SDR42E1: variants seen among roughly 807,000 people sequenced by gnomAD.
SDR42E1 encodes the protein short chain dehydrogenase/reductase family 42E, member 1.
Under a neutral mutation model 2.6 loss-of-function variants are expected in SDR42E1, and 5 were observed. That is an observed-to-expected ratio of 1.94 (90% CI 1.01 to 4.08). The LOEUF (loss-of-function observed/expected upper bound fraction) is 4.08. SDR42E1 is among the 30% of genes most tolerant of loss of function. The pLI is 0.00. For synonymous variants in SDR42E1, 231 were observed against 188.3 expected, an observed-to-expected ratio of 1.23 and a Z score of -1.86; for missense variants, 596 against 478.6, an observed-to-expected ratio of 1.25 and a Z score of -2.29.
intron 1 of SDR42E1, among the ~76,000 whole-genome samples, chr16:82,001,475 G>A (rs1597177532): frequency 6.6e-6 from 1 of 152,130 alleles, no homozygotes; most frequent in African/African-American, 2.4e-5. Context: ...AGTGCTCAGT[G>A]CCTTTGGGGA....
At chr16:82,003,343 A>G (rs1246194737) in intron 1 of SDR42E1, among the ~76,000 whole-genome samples, 3 of 152,234 alleles carry the variant, frequency 2.0e-5, no homozygotes. Context: ...TAGAGTAGCC[A>G]TAAAACCAAA....
At position 81,992,794 on chromosome 16, in the gene SDR42E1, G is replaced by C. The variant is rs1481405594; in HGVS notation, c.*6317C>G. On this transcript the variant is annotated 3_prime_UTR_variant, in exon 3 of 3. Coordinates refer to ENST00000328945, the MANE Select transcript of SDR42E1 (RefSeq NM_145168.3). The stretch of plus-strand genomic sequence containing the variant: ...TTTGGCCTCGGTCATAATTACTTGA[G>C]TTCAATGAACTCAAGTAATTATGAA... 6.6e-6 allele frequency: 1 copy of C among 151,932 alleles called. No individual in the cohort carries two copies. Among genetic ancestry groups the C allele is most frequent in the East Asian group, 1.9e-4 (1 of 5,166 alleles). 9.4% of individuals were successfully genotyped at this position (151,932 alleles called of 1,614,324 possible). A position where few individuals can be genotyped will look rare whatever the true frequency, so the allele number is the denominator to read the frequency against.
rs1202497145 is a variant in SDR42E1 at position 81,992,721 on chromosome 16, C to G, written c.*6390G>C. 1 of 152,144 alleles carries G rather than the reference C, an allele frequency of 6.6e-6. No individual in the cohort carries two copies. Among genetic ancestry groups the G allele is most frequent in the Non-Finnish European group, 1.5e-5 (1 of 68,038 alleles). The allele number at this position is 152,144 out of a possible 1,614,324, so 9.4% of individuals were successfully genotyped here. A position where few individuals can be genotyped will look rare whatever the true frequency, so the allele number is the denominator to read the frequency against. The stretch of plus-strand genomic sequence containing the variant: ...TAAATCCCCTGTTGGTTGAAAGACA[C>G]TTGCCTGGATCACTTTGCTACATGC... On this transcript the variant is annotated 3_prime_UTR_variant, in exon 3 of 3. Coordinates refer to ENST00000328945, the MANE Select transcript of SDR42E1 (RefSeq NM_145168.3).
Position 81,990,936 on chromosome 16 carries a change from C to T in SDR42E1, c.*8175G>A, listed in dbSNP as rs1037921272. The T allele has an allele frequency of 6.6e-6, 1 of 152,174 alleles. No homozygotes were observed. The highest frequency in any genetic ancestry group is 2.4e-5 in the African/African-American group (1 of 41,452). 9.4% of individuals were successfully genotyped at this position (152,174 alleles called of 1,614,324 possible). On this transcript the variant is annotated 3_prime_UTR_variant, in exon 3 of 3. Transcript: ENST00000328945. Reference sequence around the variant, plus strand: ...CTCTACAGGCTGGACTTTGCATTTTCATTACTTCGAAAGATTTTTATTAGG... The same window carrying T: ...CTCTACAGGCTGGACTTTGCATTTTTATTACTTCGAAAGATTTTTATTAGG...
rs1567559967 is a variant in SDR42E1 at position 81,991,551 on chromosome 16, T to C, written c.*7560A>G. 1 of 151,950 alleles carries C rather than the reference T, an allele frequency of 6.6e-6. No individual in the cohort carries two copies. The highest frequency in any genetic ancestry group is 1.5e-5 in the Non-Finnish European group (1 of 67,994). 9.4% of individuals were successfully genotyped at this position (151,950 alleles called of 1,614,324 possible). A position where few individuals can be genotyped will look rare whatever the true frequency, so the allele number is the denominator to read the frequency against. On this transcript the variant is annotated 3_prime_UTR_variant, in exon 3 of 3. Transcript: ENST00000328945. ...AGGTAACATAGTGAAACACCGTCTC[T>C]ACAGAAAATAAAAGCTGGATGTGGT...
In SDR42E1 at chr16:81,995,260, G is replaced by C. The variant is rs976088902; in HGVS notation, c.*3851C>G. Reference sequence around the variant, plus strand: ...GTGGCTTCTGCCCAGACCTCTGAGAGCATCCCCAAGTGCACAAGTGTGAGC... The same window carrying C: ...GTGGCTTCTGCCCAGACCTCTGAGACCATCCCCAAGTGCACAAGTGTGAGC... On this transcript the variant is annotated 3_prime_UTR_variant, in exon 3 of 3. Transcript: ENST00000328945. The C allele has an allele frequency of 6.6e-6, 1 of 152,278 alleles. No homozygotes were observed. Among genetic ancestry groups the C allele is most frequent in the African/African-American group, 2.4e-5 (1 of 41,438 alleles). 9.4% of individuals were successfully genotyped at this position (152,278 alleles called of 1,614,324 possible). A position where few individuals can be genotyped will look rare whatever the true frequency, so the allele number is the denominator to read the frequency against.
At chr16:82,006,815 A>T (rs1912954433) in intron 1 of SDR42E1, among the ~76,000 whole-genome samples, 1 of 152,112 alleles carries the variant, frequency 6.6e-6, no homozygotes, top group East Asian at 1.9e-4. Flanking sequence ...AAAACAAAAA[A>T]CCAAAAGGCC....
intron 1 of SDR42E1, among the ~76,000 whole-genome samples, chr16:82,010,141 C>T (rs1913078666): frequency 6.6e-6 from 1 of 152,208 alleles, no homozygotes; most frequent in Non-Finnish European, 1.5e-5. Flanking sequence ...ATAAATTACC[C>T]AGTCTTGGGT....
intron 1 of SDR42E1, among the ~76,000 whole-genome samples, chr16:82,001,524 G>T (rs998303185): frequency 6.6e-6 from 1 of 151,856 alleles, no homozygotes; most frequent in Non-Finnish European, 1.5e-5. Context: ...GGCCCTCCCC[G>T]CATTTCTTTC....
In SDR42E1 at chr16:81,999,057, G is replaced by C; in HGVS notation, c.*54C>G. 1 of 1,553,256 alleles carries C rather than the reference G, an allele frequency of 6.4e-7. No individual in the cohort carries two copies. Among genetic ancestry groups the C allele is most frequent in the South Asian group, 1.3e-5 (1 of 79,652 alleles). The stretch of plus-strand genomic sequence containing the variant: ...TCACTGTACACATTTTAAAACCCAT[G>C]TTTCTTGAGAACCATCTCAGCCAAC... On this transcript the variant is annotated 3_prime_UTR_variant, in exon 3 of 3. Coordinates refer to ENST00000328945, the MANE Select transcript of SDR42E1 (RefSeq NM_145168.3).
At chr16:82,006,344 G>C (rs765801269) in intron 1 of SDR42E1, among the ~76,000 whole-genome samples, 8 of 152,210 alleles carry the variant, frequency 5.3e-5, no homozygotes, top group Non-Finnish European at 8.8e-5. Flanking sequence ...ATTCATGCTA[G>C]AGGGCTTACG....
chr16:81,996,492 G>A lies in SDR42E1; in HGVS notation c.*2619C>T, dbSNP rs966471501. 2 of 152,152 alleles carry A rather than the reference G, an allele frequency of 1.3e-5. No homozygotes were observed. Among genetic ancestry groups the A allele is most frequent in the African/African-American group, 4.8e-5 (2 of 41,398 alleles). The allele number at this position is 152,152 out of a possible 1,614,324, so 9.4% of individuals were successfully genotyped here. A position where few individuals can be genotyped will look rare whatever the true frequency, so the allele number is the denominator to read the frequency against. ...GGAAGGGAGCCCTGTAAGAATTTGG[G>A]GTGGGAGAGGATTATGAATTCCACT... On this transcript the variant is annotated 3_prime_UTR_variant, in exon 3 of 3. Transcript: ENST00000328945.
chr16:81,991,440 G>C lies in SDR42E1; in HGVS notation c.*7671C>G, dbSNP rs1044938429. On this transcript the variant is annotated 3_prime_UTR_variant, in exon 3 of 3. Transcript: ENST00000328945. Reference sequence around the variant, plus strand: ...TCCAACAAGGTAAGAGTTTGGGCCAGGCTCGGTGGCTCATACCTGTAATCC... The same window carrying C: ...TCCAACAAGGTAAGAGTTTGGGCCACGCTCGGTGGCTCATACCTGTAATCC... 6.6e-6 allele frequency: 1 copy of C among 152,166 alleles called. No individual in the cohort carries two copies. The highest frequency in any genetic ancestry group is 2.4e-5 in the African/African-American group (1 of 41,422). The allele number at this position is 152,166 out of a possible 1,614,324, so 9.4% of individuals were successfully genotyped here.
rs560725582 is a variant in SDR42E1, at chr16:81,999,768, G to A, written c.525C>T (p.Asp175=). 73 of 1,614,180 alleles carry A rather than the reference G, an allele frequency of 4.5e-5. No individual in the cohort carries two copies. The highest frequency in any genetic ancestry group is 1.5e-4 in the African/African-American group (11 of 75,038). Residue 175 remains aspartate (D), a synonymous_variant, in exon 3 of 3, where the codon GAC becomes GAT. Transcript: ENST00000328945. ...EANATPLDRG[D]GVLRTCALRP... ...TCAGAGCGCAGGTTCTTAAGACACC[G>A]TCGCCTCTGTCCAGGGGTGTAGCAT...
Position 81,995,830 on chromosome 16 carries a change from C to A in SDR42E1, c.*3281G>T, listed in dbSNP as rs950225717. 1 of 152,124 alleles carries A rather than the reference C, an allele frequency of 6.6e-6. No individual in the cohort carries two copies. Among genetic ancestry groups the A allele is most frequent in the Admixed American group, 6.6e-5 (1 of 15,262 alleles). 9.4% of individuals were successfully genotyped at this position (152,124 alleles called of 1,614,324 possible). A position where few individuals can be genotyped will look rare whatever the true frequency, so the allele number is the denominator to read the frequency against. On this transcript the variant is annotated 3_prime_UTR_variant, in exon 3 of 3. Transcript: ENST00000328945. ...AGCTAACAGGCATTAAACAAATAAC[C>A]GTACAAATGTTTACAGTTATGAGCA...
chr16:82,000,452 G>C (rs1227316973), intron 2 of SDR42E1: 9 of 675,506 alleles, frequency 1.3e-5, no homozygotes, highest in South Asian at 1.1e-4. Flanking sequence ...TATCTTCAAA[G>C]AATGGTGGCA....
chr16:82,000,806 C>G lies in SDR42E1; in HGVS notation c.53G>C (p.Gly18Ala), dbSNP rs1475551147. Reference protein sequence around the residue: ...KESVLITGGSGYFGFRLGCAL... With the variant: ...KESVLITGGSAYFGFRLGCAL... Reference sequence around the variant, plus strand: ...ATACACTTACCGAAAACCAAAATAGCCACTTCCTCCTGTAATGAGGACACT... The same window carrying G: ...ATACACTTACCGAAAACCAAAATAGGCACTTCCTCCTGTAATGAGGACACT... The change falls in exon 2 of 3, where the codon GGC (glycine) becomes GCC (alanine). Residue 18 changes from glycine to alanine, a missense_variant. Physicochemically the swap from Gly to Ala is moderately conservative, Grantham distance 60 (BLOSUM62 0). Coordinates refer to ENST00000328945, the MANE Select transcript of SDR42E1 (RefSeq NM_145168.3). 1 of 1,613,524 alleles carries G rather than the reference C, an allele frequency of 6.2e-7. No individual in the cohort carries two copies. Among genetic ancestry groups the G allele is most frequent in the Admixed American group, 1.7e-5 (1 of 59,984 alleles).
rs1478853230 is a variant in SDR42E1 at position 81,989,384 on chromosome 16, T to C, written c.*9727A>G. On this transcript the variant is annotated 3_prime_UTR_variant, in exon 3 of 3. Transcript: ENST00000328945. ...ATACATATATGAAATTTGGGGACAT[T>C]AGTAAAAGGGGTCTTTGGCCTTATC... 2 of 152,198 alleles carry C rather than the reference T, an allele frequency of 1.3e-5. No individual in the cohort carries two copies. Among genetic ancestry groups the C allele is most frequent in the African/African-American group, 4.8e-5 (2 of 41,450 alleles). The allele number at this position is 152,198 out of a possible 1,614,324, so 9.4% of individuals were successfully genotyped here. A position where few individuals can be genotyped will look rare whatever the true frequency, so the allele number is the denominator to read the frequency against.
rs749604812 is a variant in SDR42E1 at position 81,999,940 on chromosome 16, A to G, written c.353T>C (p.Leu118Ser). Residue 118 changes from leucine to serine, a missense_variant, in exon 3 of 3, where the codon TTA (leucine) becomes TCA (serine). Coordinates refer to ENST00000328945, the MANE Select transcript of SDR42E1 (RefSeq NM_145168.3). The stretch of plus-strand genomic sequence containing the variant: ...GACATTGAAAGTGCTGGTGTAAACT[A>G]ACCTGGGCACCCTTCTCCTTTGGCA... ...QVCQRRRVPRLVYTSTFNVIF... is the reference protein window; with the variant it reads ...QVCQRRRVPRSVYTSTFNVIF... The G allele has an allele frequency of 2.1e-5, 34 of 1,613,758 alleles. No individual in the cohort carries two copies. The Admixed American group carries it at 2.8e-4, about 13-fold the overall frequency.
Sources: allele counts gnomAD v4.1 joint callset (sites outside exome capture counted in the v4.1 genomes callset), GRCh38; gene constraint gnomAD v4.1.1; transcripts MANE v1.5; gene names NCBI Gene and HGNC (gene_info 2026-07-23, HGNC 2026-07-21).